GRAMD1C: variants seen among roughly 807,000 people sequenced by gnomAD.
The protein encoded by GRAMD1C is protein Aster-C.
A neutral mutation model predicts 97.8 loss-of-function variants in GRAMD1C; 89 were observed. The ratio of observed to expected loss-of-function variants is 0.91; its 90% CI spans 0.77 to 1.09. The LOEUF is 1.09. Ranked by LOEUF, GRAMD1C falls within the 50% of genes least tolerant of loss-of-function variation. The pLI is 0.00. For synonymous variants in GRAMD1C, 256 were observed against 267.0 expected (o/e 0.96, Z 0.40); for missense variants, 740 against 766.4 (o/e 0.97, Z 0.41).
upstream of GRAMD1C, among the ~76,000 whole-genome samples, chr3:113,835,591 A>G (rs1709620070): frequency 1.3e-5 from 2 of 152,246 alleles, no homozygotes; most frequent in South Asian, 4.1e-4. Context: ...ACATATTGTC[A>G]ATAAGATGTG....
At chr3:113,908,504 T>A (rs1254108974) in intron 8 of GRAMD1C, among the ~76,000 whole-genome samples, 1 of 152,216 alleles carries the variant, frequency 6.6e-6, no homozygotes. Context: ...CTTTTATCTC[T>A]CCATTTTCTT....
intron 2 of GRAMD1C, among the ~76,000 whole-genome samples, chr3:113,857,490 C>T (rs1054323598): frequency 1.3e-5 from 2 of 151,860 alleles, no homozygotes; most frequent in Non-Finnish European, 2.9e-5. Flanking sequence ...ATTCTCCTGC[C>T]TCAGCCTCCC....
intron 6 of GRAMD1C, among the ~76,000 whole-genome samples, chr3:113,892,408 G>A (rs1935768204): frequency 6.6e-6 from 1 of 152,138 alleles, no homozygotes; most frequent in African/African-American, 2.4e-5. Flanking sequence ...GGAGGTGGAG[G>A]TTGCAGTGAG....
chr3:113,900,701 C>G (rs1404849434), intron 6 of GRAMD1C, among the ~76,000 whole-genome samples: 1 of 151,832 alleles, frequency 6.6e-6, no homozygotes, highest in Non-Finnish European at 1.5e-5. Context: ...GCTGGGATTA[C>G]AGGCGTGAGT....
Position 113,882,857 on chromosome 3 carries a change from T to C in GRAMD1C, c.540+25T>C, listed in dbSNP as rs1285202729. 2.6e-6 allele frequency: 3 copies of C among 1,171,956 alleles called. No individual in the cohort carries two copies. The East Asian group carries it at 7.0e-5, about 27-fold the overall frequency. 72.6% of individuals were successfully genotyped at this position (1,171,956 alleles called of 1,614,324 possible). On this transcript the variant is annotated intron_variant, in intron 6 of 17. Coordinates refer to ENST00000358160, the MANE Select transcript of GRAMD1C (RefSeq NM_017577.5). ...GGTAAGTGTTCATACCAGAGGCAGT[T>C]GCTTATTATAAGAACCTCCTAGTGT...
intron 7 of GRAMD1C, among the ~76,000 whole-genome samples, chr3:113,902,973 C>CT (rs34786953): frequency 4.4e-4 from 60 of 135,792 alleles, no homozygotes; most frequent in East Asian, 2.0e-3. Flanking sequence ...TTCTTTCTTT[C>CT]TTTTTTTTTT....
At position 113,864,948 on chromosome 3, in the gene GRAMD1C, T is replaced by A. The variant is rs80111416; in HGVS notation, c.175-4559T>A. On this transcript the variant is annotated intron_variant, in intron 2 of 17. Coordinates refer to ENST00000358160, the MANE Select transcript of GRAMD1C (RefSeq NM_017577.5). ...TACTTCTTGGTCCCAATTTTCTGTC[T>A]TACCCTGTTTTCTGTTGCTATAACA... 5.7e-3 allele frequency among the ~76,000 whole-genome samples: 862 copies of A among 152,288 alleles called. 43 individuals carry two copies. In the East Asian group the frequency reaches 0.12, roughly 22 times the overall value.
chr3:113,941,726 C>T lies in GRAMD1C; in HGVS notation c.1908+1381C>T, dbSNP rs376915399. ...CTCTGCCTCCCAGGTTCAAGTGATT[C>T]TCCTGCCTCAGCCTCCTGAGTAGCT... On this transcript the variant is annotated intron_variant, in intron 17 of 17. Coordinates refer to ENST00000358160, the MANE Select transcript of GRAMD1C (RefSeq NM_017577.5). Among the ~76,000 whole-genome samples, 49 of 151,096 alleles carry T rather than the reference C, an allele frequency of 3.2e-4. 1 individual carries two copies. Among genetic ancestry groups the T allele is most frequent in the African/African-American group, 1.2e-3 (48 of 41,102 alleles).
At chr3:113,923,609 G>A (rs191440579) in intron 10 of GRAMD1C, among the ~76,000 whole-genome samples, 4 of 152,270 alleles carry the variant, frequency 2.6e-5, no homozygotes, top group Non-Finnish European at 2.9e-5. Flanking sequence ...TGCATTCCAG[G>A]GATAAAGCCT....
At chr3:113,901,311 T>A (rs1936163794) in intron 7 of GRAMD1C, among the ~76,000 whole-genome samples, 165 bp downstream of exon 7, 1 of 152,198 alleles carries the variant, frequency 6.6e-6, no homozygotes, top group African/African-American at 2.4e-5. Context: ...AGAGAATAGT[T>A]TGCTAAATAG....
intron 9 of GRAMD1C, among the ~76,000 whole-genome samples, chr3:113,912,594 A>C (rs529431436): frequency 6.6e-6 from 1 of 152,238 alleles, no homozygotes; most frequent in African/African-American, 2.4e-5. Flanking sequence ...TTAGCTGGAC[A>C]TGGTGGTGCA....
chr3:113,841,928 C>T (rs879477250), intron 1 of GRAMD1C, among the ~76,000 whole-genome samples: 2 of 152,098 alleles, frequency 1.3e-5, no homozygotes, highest in Non-Finnish European at 2.9e-5. Flanking sequence ...ATACTCTTGG[C>T]CTGAAGTGAT....
intron 6 of GRAMD1C, among the ~76,000 whole-genome samples, chr3:113,900,582 A>C (rs1577182647): frequency 1.4e-5 from 2 of 145,002 alleles, no homozygotes; most frequent in Admixed American, 7.0e-5. Flanking sequence ...CACCATGCCC[A>C]GCCAATTTTT....
intron 1 of GRAMD1C, among the ~76,000 whole-genome samples, chr3:113,844,017 T>A (rs747240483): frequency 6.6e-6 from 1 of 152,256 alleles, no homozygotes; most frequent in Non-Finnish European, 1.5e-5. Flanking sequence ...ATTGTTCCTC[T>A]AGCAGACTGT....
At chr3:113,852,650 G>C (rs981664776) in intron 2 of GRAMD1C, among the ~76,000 whole-genome samples, 9 of 152,168 alleles carry the variant, frequency 5.9e-5, no homozygotes, top group African/African-American at 2.2e-4. Flanking sequence ...GATTACCAGA[G>C]TTGTAAGCCC....
chr3:113,899,009 C>T lies in GRAMD1C; in HGVS notation c.541-2022C>T, dbSNP rs1936042169. 2.0e-5 allele frequency among the ~76,000 whole-genome samples: 3 copies of T among 151,660 alleles called. No individual in the cohort carries two copies. In the South Asian group the frequency reaches 6.3e-4, roughly 32 times the overall value. ...AGTATAACATAACAAACAAAGATGC[C>T]ATAGTTACTAGACAGAGAAGAAAAA... On this transcript the variant is annotated intron_variant, in intron 6 of 17. Coordinates refer to ENST00000358160, the MANE Select transcript of GRAMD1C (RefSeq NM_017577.5).
At chr3:113,900,947 T>C (rs1936145613) in intron 6 of GRAMD1C, 84 bp from the exon 7 acceptor site, 1 of 743,110 alleles carries the variant, frequency 1.3e-6, no homozygotes. Flanking sequence ...AGGTCATTTT[T>C]GACTTCAAAA....
Position 113,838,922 on chromosome 3 carries a change from C to G in GRAMD1C, c.13C>G (p.Pro5Ala), listed in dbSNP as rs893365031. 11 of 1,185,582 alleles carry G rather than the reference C, an allele frequency of 9.3e-6. No homozygotes were observed. Among genetic ancestry groups the G allele is most frequent in the South Asian group, 4.5e-5 (1 of 22,332 alleles). 73.4% of individuals were successfully genotyped at this position (1,185,582 alleles called of 1,614,324 possible). The change falls in exon 1 of 18, where the codon CCG becomes GCG. Residue 5 changes from proline (P) to alanine (A), a missense_variant. Physicochemically the swap from Pro to Ala is conservative, Grantham distance 27. Coordinates refer to ENST00000358160, the MANE Select transcript of GRAMD1C (RefSeq NM_017577.5). MEGA[P>A]TVRQVMNEGD... ...GGAGGGAGCCGCGATGGAGGGCGCT[C>G]CGACTGTCCGTCAGGTAAGCCGCGG...
At chr3:113,846,203 T>A (rs1284983434) in intron 2 of GRAMD1C, among the ~76,000 whole-genome samples, 1 of 152,080 alleles carries the variant, frequency 6.6e-6, no homozygotes, top group African/African-American at 2.4e-5. Context: ...GCCTCCTGGG[T>A]TCAAGTGCTT....
Sources: gnomAD v4.1 joint callset for allele counts (sites outside exome capture counted in the v4.1 genomes callset) on GRCh38, gnomAD v4.1.1 for gene constraint, MANE v1.5 for transcripts, NCBI Gene and HGNC (gene_info 2026-07-23, HGNC 2026-07-21) for gene names.